GOLM1: variants seen among roughly 807,000 people sequenced by gnomAD.
GOLM1 encodes golgi membrane protein 1, also known as epididymis luminal protein 46.
Under a neutral mutation model 50.5 loss-of-function variants are expected in GOLM1, and 31 were observed. The ratio of observed to expected loss-of-function variants is 0.61; its 90% CI spans 0.46 to 0.83. The LOEUF (loss-of-function observed/expected upper bound fraction) is 0.83. GOLM1 is among the 40% of genes least tolerant of loss of function. GOLM1 has a pLI of 0.00. For synonymous variants in GOLM1, 178 were observed against 192.8 expected, an observed-to-expected ratio of 0.92 and a Z score of 0.64; for missense variants, 491 against 501.3, an observed-to-expected ratio of 0.98 and a Z score of 0.20.
intron 1 of GOLM1, among the ~76,000 whole-genome samples, chr9:86,087,187 C>T (rs371101840): frequency 1.1e-3 from 162 of 152,234 alleles, no homozygotes; most frequent in African/African-American, 3.7e-3. Flanking sequence ...AAGTTGTACT[C>T]TTAGGTATTT....
chr9:86,048,947 G>A (rs950217744), intron 4 of GOLM1, among the ~76,000 whole-genome samples: 6 of 152,158 alleles, frequency 3.9e-5, no homozygotes, highest in African/African-American at 9.7e-5. Context: ...CGAAGTCCTT[G>A]CCCATGCCTA....
intron 3 of GOLM1, among the ~76,000 whole-genome samples, chr9:86,070,156 T>C (rs1834405960): frequency 6.6e-6 from 1 of 152,108 alleles, no homozygotes; most frequent in Admixed American, 6.5e-5. Flanking sequence ...GTGCTGGGAT[T>C]ACAGGCGTGA....
chr9:86,051,113 A>T (rs11141195), intron 4 of GOLM1, among the ~76,000 whole-genome samples: 4 of 151,996 alleles, frequency 2.6e-5, no homozygotes, highest in African/African-American at 9.7e-5. Context: ...GCCTTCATTT[A>T]GTTATGTACC....
intron 5 of GOLM1, among the ~76,000 whole-genome samples, chr9:86,044,514 A>G (rs1002004368): frequency 6.6e-6 from 1 of 152,246 alleles, no homozygotes; most frequent in African/African-American, 2.4e-5. Flanking sequence ...CAATTTGACA[A>G]TTCACACCCA....
At chr9:86,050,288 T>G (rs1833699642) in intron 4 of GOLM1, among the ~76,000 whole-genome samples, 1 of 152,222 alleles carries the variant, frequency 6.6e-6, no homozygotes, top group Admixed American at 6.5e-5. Flanking sequence ...TTGAGGATTT[T>G]TGCATCGATG....
intron 3 of GOLM1, among the ~76,000 whole-genome samples, chr9:86,062,524 G>C (rs1042218345): frequency 2.0e-5 from 3 of 151,180 alleles, no homozygotes; most frequent in Non-Finnish European, 4.4e-5. Flanking sequence ...TGGAGGGAGA[G>C]GAGGAGGGAA....
chr9:86,054,413 G>T (rs536571581), intron 3 of GOLM1, among the ~76,000 whole-genome samples: 2 of 152,052 alleles, frequency 1.3e-5, no homozygotes, highest in East Asian at 1.9e-4. Flanking sequence ...GAGTAGAGAT[G>T]GGGTTTCACC....
At chr9:86,097,553 C>G (rs1262158083) in intron 1 of GOLM1, among the ~76,000 whole-genome samples, 1 of 152,114 alleles carries the variant, frequency 6.6e-6, no homozygotes, top group Non-Finnish European at 1.5e-5. Context: ...CAATGGCCAC[C>G]CCAGGTCCTT....
rs1832821015 is a variant in GOLM1, at chr9:86,027,491, A to C, written c.*326T>G. ...TCTATAGGTGGCTGTTAATTTACAC[A>C]AAGTTATATTCCAGAATCAGGAAGC... On this transcript the variant is annotated 3_prime_UTR_variant, in exon 10 of 10. Coordinates refer to ENST00000388712, the MANE Select transcript of GOLM1 (RefSeq NM_016548.4). 9.0e-7 allele frequency: 1 copy of C among 1,114,926 alleles called. No individual in the cohort carries two copies. Among genetic ancestry groups the C allele is most frequent in the East Asian group, 7.0e-5 (1 of 14,374 alleles). The allele number at this position is 1,114,926 out of a possible 1,614,324, so 69.1% of individuals were successfully genotyped here.
intron 6 of GOLM1, among the ~76,000 whole-genome samples, chr9:86,039,860 C>CG (rs1218540825): frequency 1.3e-5 from 2 of 151,340 alleles, no homozygotes; most frequent in Non-Finnish European, 2.9e-5. Context: ...CCCAGCTACT[C>CG]GGGAGGCTGA....
chr9:86,036,247 C>T (rs1564341102), intron 7 of GOLM1, 101 bp downstream of exon 7: 8 of 1,234,964 alleles, frequency 6.5e-6, no homozygotes, highest in East Asian at 2.3e-5. Flanking sequence ...CTGGCTGCGC[C>T]GCTGCCGGGT....
At chr9:86,073,646 A>G (rs1354416984) in intron 3 of GOLM1, among the ~76,000 whole-genome samples, 1 of 152,210 alleles carries the variant, frequency 6.6e-6, no homozygotes. Context: ...CAGGAGACTC[A>G]GACTCTGCCC....
At chr9:86,032,089 C>T (rs1389916893) in intron 9 of GOLM1, among the ~76,000 whole-genome samples, 1 of 152,048 alleles carries the variant, frequency 6.6e-6, no homozygotes, top group East Asian at 1.9e-4. Context: ...AGAGACCAGG[C>T]GAACTCACTC....
intron 3 of GOLM1, among the ~76,000 whole-genome samples, chr9:86,076,399 C>A (rs113598799): frequency 0.013 from 1,131 of 85,562 alleles, 11 homozygotes; most frequent in African/African-American, 0.045. Context: ...CCAGCCTGGA[C>A]AACAAGAGGG....
At chr9:86,049,134 C>T (rs1833653426) in intron 4 of GOLM1, among the ~76,000 whole-genome samples, 1 of 152,156 alleles carries the variant, frequency 6.6e-6, no homozygotes, top group South Asian at 2.1e-4. Context: ...AATAGGGAAT[C>T]CTTTCCCCAT....
At position 86,087,080 on chromosome 9, in the gene GOLM1, A is replaced by G. The variant is rs1834998533; in HGVS notation, c.-21-7739T>C. 1.3e-5 allele frequency among the ~76,000 whole-genome samples: 2 copies of G among 152,198 alleles called. 1 individual carries two copies. The highest frequency in any genetic ancestry group is 2.9e-5 in the Non-Finnish European group (2 of 68,038). On this transcript the variant is annotated intron_variant, in intron 1 of 9. Transcript: ENST00000388712. Reference sequence around the variant, plus strand: ...TTCACGATATTGATTCTTCCGATCCATGAGCATGGAATGTTTCTCCATTTG... The same window carrying G: ...TTCACGATATTGATTCTTCCGATCCGTGAGCATGGAATGTTTCTCCATTTG...
chr9:86,054,879 A>G (rs375699420), intron 3 of GOLM1, among the ~76,000 whole-genome samples: 4 of 152,228 alleles, frequency 2.6e-5, no homozygotes, highest in East Asian at 3.8e-4. Context: ...CCACAATGCA[A>G]ACATTTCTTA....
At chr9:86,044,555 AG>A (rs1833471040) in intron 5 of GOLM1, among the ~76,000 whole-genome samples, 6 of 152,368 alleles carry the variant, frequency 3.9e-5, no homozygotes, top group Non-Finnish European at 5.9e-5. Flanking sequence ...TGAGCCTTTT[AG>A]AAGGAAATAA....
chr9:86,082,444 A>G (rs7036509), intron 1 of GOLM1, among the ~76,000 whole-genome samples: 109,933 of 150,028 alleles, frequency 0.73, 41,318 homozygotes, highest in African/African-American at 0.9. Flanking sequence ...TCACTCTGTC[A>G]CCCAGGCTGA....
Sources: gnomAD v4.1 joint callset for allele counts (sites outside exome capture counted in the v4.1 genomes callset) on GRCh38, gnomAD v4.1.1 for gene constraint, MANE v1.5 for transcripts, NCBI Gene and HGNC (gene_info 2026-07-23, HGNC 2026-07-21) for gene names.